Variants in PARP15 observed in about 807,000 individuals in gnomAD.
PARP15 encodes poly(ADP-ribose) polymerase family member 15.
A neutral mutation model predicts 62.1 loss-of-function variants in PARP15; 50 were observed. The ratio of observed to expected loss-of-function variants is 0.81; its 90% CI spans 0.64 to 1.02. PARP15 has a LOEUF of 1.02. Ranked by LOEUF, PARP15 falls within the 50% of genes least tolerant of loss-of-function variation. PARP15 has a pLI of 0.00. For missense variants in PARP15, 820 were observed against 826.5 expected (o/e 0.99, Z 0.10); for synonymous variants, 309 against 293.1 (o/e 1.05, Z -0.55).
At chr3:122,593,136 C>CT (rs56390474) in intron 1 of PARP15, among the ~76,000 whole-genome samples, 1 of 18,518 alleles carries the variant, frequency 5.4e-5, no homozygotes, top group Admixed American at 9.2e-4. Context: ...ATCTATCTAT[C>CT]ATGTATCTAT....
rs917208789 is a variant in PARP15, at chr3:122,613,113, A to C, written c.616A>C (p.Met206Leu). Residue 206 changes from methionine to leucine, a missense_variant, in exon 4 of 12, where the codon ATG (methionine) becomes CTG (leucine). Met to Leu is a conservative substitution (Grantham distance 15). This residue lies in a region of PARP15 where 731 missense variants were observed against 727.7 expected (regional missense o/e 1.00). Coordinates refer to ENST00000464300, the MANE Select transcript of PARP15 (RefSeq NM_001113523.3). ...VLSFSSITFP[M>L]IGTGSLQFPK... ...ATCTTTCTCATCAATCACATTTCCC[A>C]TGATTGGAACAGGAAGTTTGCAGTT... 5.8e-6 allele frequency: 9 copies of C among 1,551,856 alleles called. No individual in the cohort carries two copies. Among genetic ancestry groups the C allele is most frequent in the Middle Eastern group, 1.7e-4 (1 of 5,994 alleles).
intron 1 of PARP15, among the ~76,000 whole-genome samples, chr3:122,584,090 C>G (rs912531334): frequency 2.6e-5 from 4 of 152,222 alleles, no homozygotes; most frequent in African/African-American, 9.7e-5. Flanking sequence ...TGTTTCTTCT[C>G]TCCAAGGAAT....
Position 122,626,953 on chromosome 3 carries a change from T to C in PARP15, c.1358T>C (p.Leu453Pro). Residue 453 changes from leucine to proline, a missense_variant, in exon 9 of 12, where the codon CTA (leucine) becomes CCA (proline). Coordinates refer to ENST00000464300, the MANE Select transcript of PARP15 (RefSeq NM_001113523.3). ...GTTGTCATTTTTCAACCTGAGCTGC[T>C]AAATATATTCTACGACAGCATGAAA... ...VKVVIFQPELLNIFYDSMKKR... is the reference protein window; with the variant it reads ...VKVVIFQPELPNIFYDSMKKR... 1 of 1,614,136 alleles carries C rather than the reference T, an allele frequency of 6.2e-7. No individual in the cohort carries two copies. Among genetic ancestry groups the C allele is most frequent in the Non-Finnish European group, 8.5e-7 (1 of 1,179,998 alleles).
chr3:122,605,533 A>G (rs1935102653), intron 1 of PARP15, among the ~76,000 whole-genome samples: 1 of 152,080 alleles, frequency 6.6e-6, no homozygotes, highest in South Asian at 2.1e-4. Flanking sequence ...TGTAATAGTT[A>G]TTTTCTATAT....
rs528021078 is a variant in PARP15, at chr3:122,613,281, A to G, written c.771+13A>G. ...TGAAGGCTGTCAGGTATGGTTACAT[A>G]TCCCATCTGGTTAATTCTGGCAAGT... On this transcript the variant is annotated intron_variant, in intron 4 of 11. Coordinates refer to ENST00000464300, the MANE Select transcript of PARP15 (RefSeq NM_001113523.3). The G allele has an allele frequency of 7.2e-6, 11 of 1,521,868 alleles. No homozygotes were observed. The East Asian group carries it at 2.7e-4, about 37-fold the overall frequency. The allele number at this position is 1,521,868 out of a possible 1,614,324, so 94.3% of individuals were successfully genotyped here.
Position 122,636,028 on chromosome 3 carries a change from A to G in PARP15, c.1965A>G (p.Arg655=). ...DLFDSVTNNT[R]SPKLFVVFFD... Reference sequence around the variant, plus strand: ...TTGACTCAGTGACAAACAATACACGATCTCCAAAGCTATTTGTGGTATTCT... The same window carrying G: ...TTGACTCAGTGACAAACAATACACGGTCTCCAAAGCTATTTGTGGTATTCT... The change falls in exon 12 of 12, where the codon CGA becomes CGG. Residue 655 remains arginine (R), a synonymous_variant. Coordinates refer to ENST00000464300, the MANE Select transcript of PARP15 (RefSeq NM_001113523.3). 6.2e-7 allele frequency: 1 copy of G among 1,614,044 alleles called. No homozygotes were observed. The highest frequency in any genetic ancestry group is 8.5e-7 in the Non-Finnish European group (1 of 1,179,958).
At chr3:122,578,134 T>C (rs1028015152) in intron 1 of PARP15, among the ~76,000 whole-genome samples, 1 of 152,044 alleles carries the variant, frequency 6.6e-6, no homozygotes, top group Admixed American at 6.5e-5. Context: ...ATATGTGTTA[T>C]GAATATGTCC....
chr3:122,601,180 C>T (rs1576499559), intron 1 of PARP15, among the ~76,000 whole-genome samples: 2 of 151,442 alleles, frequency 1.3e-5, no homozygotes, highest in Admixed American at 6.6e-5. Flanking sequence ...CTTGCCACCA[C>T]GCCCAGCTAA....
intron 2 of PARP15, among the ~76,000 whole-genome samples, chr3:122,607,748 G>A (rs34238160): frequency 0.08 from 12,238 of 152,218 alleles, 547 homozygotes; most frequent in Non-Finnish European, 0.11. Flanking sequence ...GGATGGTGCT[G>A]TGTAAACTTT....
chr3:122,632,618 C>T (rs1398776917), intron 10 of PARP15, among the ~76,000 whole-genome samples: 1 of 152,220 alleles, frequency 6.6e-6, no homozygotes, highest in Non-Finnish European at 1.5e-5. Context: ...TAAGGCTGGA[C>T]TCTCCTTGTG....
At chr3:122,582,133 A>G (rs1187433573) in intron 1 of PARP15, among the ~76,000 whole-genome samples, 1 of 151,464 alleles carries the variant, frequency 6.6e-6, no homozygotes, top group African/African-American at 2.4e-5. Flanking sequence ...CAGCTTTTGC[A>G]TGTCTGAAAG....
At chr3:122,604,339 A>G (rs1358068533) in intron 1 of PARP15, among the ~76,000 whole-genome samples, 1 of 152,212 alleles carries the variant, frequency 6.6e-6, no homozygotes, top group Non-Finnish European at 1.5e-5. Flanking sequence ...ATTATTATGG[A>G]GTACTCAGGG....
intron 1 of PARP15, among the ~76,000 whole-genome samples, chr3:122,602,828 G>T (rs1055626994): frequency 3.9e-5 from 6 of 152,180 alleles, no homozygotes; most frequent in Admixed American, 1.3e-4. Context: ...AAGTAAACAT[G>T]CATGGAATTG....
At chr3:122,599,044 C>T (rs1014312393) in intron 1 of PARP15, among the ~76,000 whole-genome samples, 7 of 152,078 alleles carry the variant, frequency 4.6e-5, no homozygotes, top group African/African-American at 7.2e-5. Flanking sequence ...TTCAGGTGTG[C>T]GCCACCACAC....
rs1338545472 is a variant in PARP15, at chr3:122,594,489, C to T, written c.187-11447C>T. ...TACACTTGGAGAGGTAACTGTTGAT[C>T]CTGTTCCTCAAACGATCTCAAATTG... On this transcript the variant is annotated intron_variant, in intron 1 of 11. Coordinates refer to ENST00000464300, the MANE Select transcript of PARP15 (RefSeq NM_001113523.3). 3 of 940,316 alleles carry T rather than the reference C, an allele frequency of 3.2e-6. No homozygotes were observed. The African/African-American group carries it at 5.3e-5, about 17-fold the overall frequency. 58.2% of individuals were successfully genotyped at this position (940,316 alleles called of 1,614,324 possible). A position where few individuals can be genotyped will look rare whatever the true frequency, so the allele number is the denominator to read the frequency against.
In PARP15 at chr3:122,637,225, T is replaced by A. The variant is rs1419530651; in HGVS notation, c.*1125T>A. The stretch of plus-strand genomic sequence containing the variant: ...GAGGTCACCTACCCCACTGTCCTCT[T>A]GTCCTTCTCCCCCAACCCTCCCCTG... On this transcript the variant is annotated 3_prime_UTR_variant, in exon 12 of 12. Transcript: ENST00000464300. 1 of 152,172 alleles carries A rather than the reference T, an allele frequency of 6.6e-6. No individual in the cohort carries two copies. The highest frequency in any genetic ancestry group is 2.4e-5 in the African/African-American group (1 of 41,412). 9.4% of individuals were successfully genotyped at this position (152,172 alleles called of 1,614,324 possible). A position where few individuals can be genotyped will look rare whatever the true frequency, so the allele number is the denominator to read the frequency against.
At chr3:122,601,210 G>A (rs1319664644) in intron 1 of PARP15, among the ~76,000 whole-genome samples, 1 of 151,894 alleles carries the variant, frequency 6.6e-6, no homozygotes, top group African/African-American at 2.4e-5. Context: ...TTTTAGTAGA[G>A]ATGGGGTTTC....
intron 1 of PARP15, among the ~76,000 whole-genome samples, chr3:122,601,155 C>G (rs1934771106): frequency 6.7e-6 from 1 of 149,810 alleles, no homozygotes; most frequent in Admixed American, 6.7e-5. Context: ...TCCCAAGTAG[C>G]TGGGACTACA....
At chr3:122,604,668 C>T (rs914745131) in intron 1 of PARP15, among the ~76,000 whole-genome samples, 1 of 151,826 alleles carries the variant, frequency 6.6e-6, no homozygotes, top group Non-Finnish European at 1.5e-5. Context: ...GCCTGGCCAA[C>T]AATTAAAAAG....
Sources: gnomAD v4.1 joint callset for allele counts (sites outside exome capture counted in the v4.1 genomes callset) on GRCh38, gnomAD v4.1.1 for gene constraint, gnomAD v4.1.1 regional missense constraint, MANE v1.5 for transcripts, NCBI Gene and HGNC (gene_info 2026-07-23, HGNC 2026-07-21) for gene names.